Variants in KIF15 observed in about 807,000 individuals in gnomAD.
KIF15 encodes the protein kinesin family member 15.
Under a neutral mutation model 190.6 loss-of-function variants are expected in KIF15, and 140 were observed. The observed-to-expected ratio is 0.73, with a 90% CI of 0.64 to 0.84. The LOEUF (loss-of-function observed/expected upper bound fraction) is 0.84. KIF15 is among the 40% of genes least tolerant of loss of function. The probability of loss-of-function intolerance (pLI) is 0.00; values close to 1 mark genes in which losing one functional copy is unlikely to be tolerated. For synonymous variants in KIF15, 528 were observed against 551.3 expected, an observed-to-expected ratio of 0.96 and a Z score of 0.59; for missense variants, 1,372 against 1,584.4, an observed-to-expected ratio of 0.87 and a Z score of 2.28.
chr3:44,826,288 A>G, intron 21 of KIF15, 87 bp from the exon 22 acceptor site: 1 of 1,548,146 alleles, frequency 6.5e-7, no homozygotes, highest in Non-Finnish European at 8.8e-7. Context: ...ACTTGCCCAC[A>G]GTGCCTGCCA....
intron 7 of KIF15, 97 bp from the exon 8 acceptor site, chr3:44,794,120 A>G: frequency 1.1e-6 from 1 of 929,536 alleles, no homozygotes; most frequent in Non-Finnish European, 1.7e-6. Context: ...TCCACAAGTG[A>G]TCCTCCAGAC....
At chr3:44,853,737 A>G (rs771041312), downstream of KIF15, among the ~76,000 whole-genome samples, 8 of 152,200 alleles carry the variant, frequency 5.3e-5, no homozygotes, top group African/African-American at 9.7e-5. Flanking sequence ...TACTGCAGCC[A>G]TCCTAGGTGT....
intron 5 of KIF15, among the ~76,000 whole-genome samples, chr3:44,784,198 G>A (rs1288577183): frequency 2.0e-5 from 3 of 152,156 alleles, no homozygotes; most frequent in African/African-American, 7.2e-5. Flanking sequence ...TTGAGACGGA[G>A]TCTCACTCTG....
chr3:44,860,120 G>A (rs189518373), intron 6 of KIF15, among the ~76,000 whole-genome samples: 177 of 152,326 alleles, frequency 1.2e-3, no homozygotes, highest in African/African-American at 3.7e-3. Context: ...GCTTTACAGA[G>A]GAGGTGGCTC....
In KIF15 at chr3:44,805,092, A is replaced by C. The variant is rs1277639845; in HGVS notation, c.1753A>C (p.Lys585Gln). The C allele has an allele frequency of 6.2e-7, 1 of 1,614,104 alleles. No individual in the cohort carries two copies. The highest frequency in any genetic ancestry group is 8.5e-7 in the Non-Finnish European group (1 of 1,179,966). Residue 585 changes from lysine to glutamine, a missense_variant, in exon 15 of 35, where the codon AAA becomes CAA. Transcript: ENST00000326047. ...PCLFANTEKL[K>Q]AQLLQIQTEL... is the part of the protein sequence containing the mutation. ...TTTGTTTGCAAACACTGAGAAGTTA[A>C]AAGCACAACTCCTGCAAATTCAGAC...
chr3:44,802,871 G>A lies in KIF15; in HGVS notation c.1567G>A (p.Glu523Lys). Residue 523 changes from glutamate (E) to lysine (K), a missense_variant, in exon 14 of 35, where the codon GAG (glutamate) becomes AAG (lysine). Transcript: ENST00000326047. ...YAMENHSLRE[E>K]NRRLRLLEPV... ...TATGGAAAATCATTCCCTCAGGGAG[G>A]AGAATAGAAGACTGAGATTATTAGA... is the stretch of plus-strand genomic sequence containing the variant. 1 of 1,610,364 alleles carries A rather than the reference G, an allele frequency of 6.2e-7. No individual in the cohort carries two copies.
At chr3:44,855,208 G>C (rs540671090), downstream of KIF15, among the ~76,000 whole-genome samples, 8 of 152,206 alleles carry the variant, frequency 5.3e-5, no homozygotes, top group African/African-American at 1.4e-4. Flanking sequence ...TTGCAGGCAG[G>C]GGGTGGATCT....
chr3:44,861,838 C>T (rs1699251966), intron 6 of KIF15: 3 of 1,357,762 alleles, frequency 2.2e-6, no homozygotes, highest in Non-Finnish European at 3.0e-6. Context: ...GTCACAGGAG[C>T]GTCGCGTCAC....
intron 30 of KIF15, among the ~76,000 whole-genome samples, chr3:44,843,909 C>T (rs1468997976): frequency 6.6e-6 from 1 of 152,084 alleles, no homozygotes; most frequent in Non-Finnish European, 1.5e-5. Flanking sequence ...TTAAAAATTA[C>T]ATGTATAAAG....
At chr3:44,868,179 G>A (rs555079761) in intron 6 of KIF15, among the ~76,000 whole-genome samples, 1 of 152,300 alleles carries the variant, frequency 6.6e-6, no homozygotes, top group South Asian at 2.1e-4. Flanking sequence ...TTTGCCTGTT[G>A]TGGACATTTC....
chr3:44,794,512 A>G, intron 8 of KIF15, 86 bp downstream of exon 8: 6 of 979,352 alleles, frequency 6.1e-6, no homozygotes, highest in African/African-American at 1.7e-5. Context: ...TGTCTCAGTC[A>G]ATGAGGAACT....
intron 14 of KIF15, among the ~76,000 whole-genome samples, chr3:44,804,609 C>G (rs1404667496): frequency 6.6e-6 from 1 of 152,176 alleles, no homozygotes; most frequent in Non-Finnish European, 1.5e-5. Context: ...CTACACTTCT[C>G]CATCCTGTGG....
chr3:44,829,778 T>TATATATAATATATGC (rs1204788158), intron 24 of KIF15, among the ~76,000 whole-genome samples, 193 bp from the exon 25 acceptor site: 5 of 140,344 alleles, frequency 3.6e-5, no homozygotes, highest in African/African-American at 1.3e-4. Context: ...TATAGATGTA[T>TATATATAATATATGC]ATATATAATA....
intron 24 of KIF15, among the ~76,000 whole-genome samples, chr3:44,829,630 A>ATATTATATATG (rs1475671449): frequency 1.5e-5 from 2 of 131,782 alleles, no homozygotes; most frequent in African/African-American, 5.8e-5. Context: ...TATATACATT[A>ATATTATATATG]TATATGTATA....
Position 44,777,378 on chromosome 3 carries a change from G to A in KIF15, c.247-737G>A, listed in dbSNP as rs138530790. Among the ~76,000 whole-genome samples the A allele has an allele frequency of 1.2e-4, 19 of 152,028 alleles. No homozygotes were observed. In the East Asian group the frequency reaches 3.3e-3, roughly 26 times the overall value. On this transcript the variant is annotated intron_variant, in intron 3 of 34. Transcript: ENST00000326047. ...AGATCTTTGGATCTTTTTTTTATGT[G>A]GAGCATCGCTGGCCAATAGATAAGT... is the stretch of plus-strand genomic sequence containing the variant.
At chr3:44,793,601 C>A (rs1037716010) in intron 7 of KIF15, among the ~76,000 whole-genome samples, 1 of 152,132 alleles carries the variant, frequency 6.6e-6, no homozygotes, top group Admixed American at 6.6e-5. Flanking sequence ...TTCTCACCAC[C>A]CTTTACAAAT....
At chr3:44,781,823 CTGTT>C (rs927245590) in intron 5 of KIF15, among the ~76,000 whole-genome samples, 2 of 152,172 alleles carry the variant, frequency 1.3e-5, no homozygotes, top group African/African-American at 2.4e-5. Flanking sequence ...AATACCCTGT[CTGTT>C]GAAATGCCCA....
chr3:44,784,491 A>G (rs551033074), intron 5 of KIF15, among the ~76,000 whole-genome samples: 3 of 152,068 alleles, frequency 2.0e-5, no homozygotes, highest in Non-Finnish European at 4.4e-5. Context: ...CAATAACCCT[A>G]TGTGATATTT....
chr3:44,772,976 C>T (rs1383269921), intron 1 of KIF15, among the ~76,000 whole-genome samples: 1 of 152,172 alleles, frequency 6.6e-6, no homozygotes, highest in African/African-American at 2.4e-5. Flanking sequence ...GCATCCCATC[C>T]TAAGGTACCC....
Sources: allele counts gnomAD v4.1 joint callset (sites outside exome capture counted in the v4.1 genomes callset), GRCh38; gene constraint gnomAD v4.1.1; transcripts MANE v1.5; gene names NCBI Gene and HGNC (gene_info 2026-07-23, HGNC 2026-07-21).